The following WDFY4 variants were observed in gnomAD, a reference collection of about 807,000 sequenced individuals.
WDFY4 encodes WD repeat- and FYVE domain-containing protein 4.
WDFY4 carries 169 observed loss-of-function variants against 351.9 expected under a neutral mutation model. That is an observed-to-expected ratio of 0.48 (90% CI 0.42 to 0.55). WDFY4 has a LOEUF of 0.55. WDFY4 is among the 20% of genes least tolerant of loss of function. WDFY4 has a pLI of 0.00. For missense variants in WDFY4, 3,803 were observed against 3,935.6 expected (o/e 0.97, Z 0.90); for synonymous variants, 1,622 against 1,574.6 (o/e 1.03, Z -0.71).
intron 51 of WDFY4, among the ~76,000 whole-genome samples, chr10:48,952,858 C>G (rs570764507): frequency 2.0e-4 from 30 of 152,324 alleles, no homozygotes; most frequent in African/African-American, 7.0e-4. Context: ...GGTCCTATGC[C>G]TTTAGCTTAT....
At chr10:48,778,978 C>A in intron 18 of WDFY4, 146 bp downstream of exon 18, 4 of 850,890 alleles carry the variant, frequency 4.7e-6, no homozygotes, top group East Asian at 5.3e-5. Flanking sequence ...GGTTCCATAC[C>A]TGGTGAAAGG....
At chr10:48,795,912 G>A (rs11101493) in intron 23 of WDFY4, among the ~76,000 whole-genome samples, 26,472 of 152,020 alleles carry the variant, frequency 0.17, 3,546 homozygotes, top group African/African-American at 0.37. Flanking sequence ...GCAACTGACA[G>A]GCACATCTGG....
chr10:48,861,799 A>G (rs2069354479), intron 39 of WDFY4, among the ~76,000 whole-genome samples: 1 of 152,054 alleles, frequency 6.6e-6, no homozygotes, highest in African/African-American at 2.4e-5. Context: ...CAGCCACTTT[A>G]TCCATTCTTT....
intron 2 of WDFY4, among the ~76,000 whole-genome samples, chr10:48,716,020 G>A (rs1164313931): frequency 6.6e-6 from 1 of 152,048 alleles, no homozygotes; most frequent in African/African-American, 2.4e-5. Flanking sequence ...GTCCACTCCT[G>A]ACTCTACCCC....
chr10:48,787,369 T>G (rs1255884192), intron 20 of WDFY4, among the ~76,000 whole-genome samples: 1 of 152,254 alleles, frequency 6.6e-6, no homozygotes, highest in Non-Finnish European at 1.5e-5. Context: ...GAAGGGCGAT[T>G]GAGTGCTCTT....
intron 47 of WDFY4, among the ~76,000 whole-genome samples, chr10:48,904,265 A>G (rs995080099): frequency 6.6e-6 from 1 of 152,204 alleles, no homozygotes; most frequent in Non-Finnish European, 1.5e-5. Flanking sequence ...GTGGCTGTTT[A>G]CCAACTGTAA....
Position 48,779,958 on chromosome 10 carries a change from G to A in WDFY4, c.3415G>A (p.Asp1139Asn). Residue 1139 changes from aspartate to asparagine, a missense_variant, in exon 19 of 62, where the codon GAT becomes AAT. Asp to Asn is a conservative substitution (Grantham distance 23). Around this residue, in one of 3 missense-constraint regions of WDFY4, gnomAD observed 3,054 missense variants for 3,148.6 expected, o/e 0.97. Coordinates refer to ENST00000325239, the MANE Select transcript of WDFY4 (RefSeq NM_001394531.1). ...TCTTCCAGATGTCATGGAACCTGAGGATGACTCCGAGCCTTCTGCAGGATG... is the reference window on the plus strand; with the variant it reads ...TCTTCCAGATGTCATGGAACCTGAGAATGACTCCGAGCCTTCTGCAGGATG... ...FQPLDVMEPE[D>N]DSEPSAGCQL... The A allele has an allele frequency of 2.6e-6, 4 of 1,551,728 alleles. No individual in the cohort carries two copies. The highest frequency in any genetic ancestry group is 2.6e-6 in the Non-Finnish European group (3 of 1,147,008).
At chr10:48,695,621 G>C (rs1043569486) in intron 1 of WDFY4, among the ~76,000 whole-genome samples, 1 of 152,154 alleles carries the variant, frequency 6.6e-6, no homozygotes, top group Non-Finnish European at 1.5e-5. Context: ...CTTTTCCATG[G>C]CCTTTCTTAC....
intron 47 of WDFY4, among the ~76,000 whole-genome samples, chr10:48,925,376 T>C (rs964744874): frequency 1.3e-5 from 2 of 151,812 alleles, no homozygotes; most frequent in African/African-American, 4.8e-5. Context: ...ATGTAATGGG[T>C]GTGTTGGGAA....
Position 48,823,422 on chromosome 10 carries a change from C to T in WDFY4, c.5982+885C>T, listed in dbSNP as rs2067895117. ...GGAGGACCACTCTCCTTCCTCTTCA[C>T]ATCTCATAGAGAGTGAAATTGGCTC... On this transcript the variant is annotated intron_variant, in intron 35 of 61. Transcript: ENST00000325239. 3.3e-6 allele frequency: 4 copies of T among 1,202,240 alleles called. No individual in the cohort carries two copies. In the African/African-American group the frequency reaches 6.4e-5, roughly 19 times the overall value. 74.5% of individuals were successfully genotyped at this position (1,202,240 alleles called of 1,614,324 possible).
intron 48 of WDFY4, among the ~76,000 whole-genome samples, chr10:48,942,843 G>A (rs546881836): frequency 6.6e-5 from 10 of 152,202 alleles, no homozygotes; most frequent in Non-Finnish European, 1.3e-4. Context: ...TTAAGAGTGA[G>A]CATCACCCCA....
At chr10:48,931,511 T>G (rs1314588691) in intron 47 of WDFY4, among the ~76,000 whole-genome samples, 1 of 152,210 alleles carries the variant, frequency 6.6e-6, no homozygotes, top group East Asian at 1.9e-4. Context: ...GCCCGTATTA[T>G]GGTGCAATAT....
intron 20 of WDFY4, among the ~76,000 whole-genome samples, chr10:48,788,169 A>T (rs2066557833): frequency 6.6e-6 from 1 of 151,790 alleles, no homozygotes; most frequent in Non-Finnish European, 1.5e-5. Flanking sequence ...CTGGGACTAC[A>T]GGCATGCGCC....
intron 35 of WDFY4, among the ~76,000 whole-genome samples, chr10:48,826,201 A>G (rs75074212): frequency 3.9e-5 from 6 of 152,114 alleles, no homozygotes; most frequent in Non-Finnish European, 5.9e-5. Context: ...AGCACCATTT[A>G]TTAAATAGGG....
At chr10:48,860,798 T>C (rs1031858740) in intron 39 of WDFY4, among the ~76,000 whole-genome samples, 2 of 152,240 alleles carry the variant, frequency 1.3e-5, no homozygotes, top group Non-Finnish European at 2.9e-5. Context: ...GATTAAAGTC[T>C]ATTGTTAGTT....
chr10:48,826,131 T>C (rs1468921391), intron 35 of WDFY4, among the ~76,000 whole-genome samples: 1 of 152,240 alleles, frequency 6.6e-6, no homozygotes, highest in African/African-American at 2.4e-5. Flanking sequence ...TTAATTTTCA[T>C]ATAAGGTATA....
intron 27 of WDFY4, 102 bp downstream of exon 27, chr10:48,806,197 G>A: frequency 2.5e-6 from 3 of 1,178,288 alleles, no homozygotes; most frequent in African/African-American, 3.0e-5. Context: ...GGAAGGGGAA[G>A]GCACCCACAG....
chr10:48,850,767 G>A (rs1341523870), intron 39 of WDFY4, among the ~76,000 whole-genome samples: 1 of 152,118 alleles, frequency 6.6e-6, no homozygotes, highest in Admixed American at 6.6e-5. Context: ...ATTGAGTGTT[G>A]CCACACAGAG....
At chr10:48,819,650 T>A (rs182108634) in intron 32 of WDFY4, among the ~76,000 whole-genome samples, 2 of 152,204 alleles carry the variant, frequency 1.3e-5, no homozygotes, top group Admixed American at 1.3e-4. Flanking sequence ...ATTTTATAAA[T>A]ATAAAACAAA....
Sources: gnomAD v4.1 joint callset for allele counts (sites outside exome capture counted in the v4.1 genomes callset) on GRCh38, gnomAD v4.1.1 for gene constraint, gnomAD v4.1.1 regional missense constraint, MANE v1.5 for transcripts, NCBI Gene and HGNC (gene_info 2026-07-23, HGNC 2026-07-21) for gene names.